NEDD4L: variants seen among roughly 807,000 people sequenced by gnomAD.
NEDD4L encodes E3 ubiquitin-protein ligase NEDD4-like.
NEDD4L carries 54 observed loss-of-function variants against 148.9 expected under a neutral mutation model. The ratio of observed to expected loss-of-function variants is 0.36; its 90% CI spans 0.29 to 0.45. The LOEUF (loss-of-function observed/expected upper bound fraction) is 0.45, where lower values mean the gene tolerates loss of function less well. NEDD4L is among the 20% of genes least tolerant of loss of function. The pLI, the probability that NEDD4L is intolerant of heterozygous loss-of-function variation, is 1.00. For synonymous variants in NEDD4L, 433 were observed against 440.7 expected (o/e 0.98, Z 0.22); for missense variants, 856 against 1,233.8 (o/e 0.69, Z 4.59).
intron 1 of NEDD4L, among the ~76,000 whole-genome samples, chr18:58,107,909 G>A (rs2085168910): frequency 6.6e-6 from 1 of 151,946 alleles, no homozygotes; most frequent in South Asian, 2.1e-4. Context: ...TAGTAAAGAT[G>A]GGGTTTTGCC....
At chr18:58,247,523 A>T (rs977548898) in intron 3 of NEDD4L, 3 of 151,980 alleles carry the variant, frequency 2.0e-5, no homozygotes, top group African/African-American at 4.8e-5. Context: ...ATTGCAATGG[A>T]TTTCCTTCCA....
chr18:58,259,162 G>T (rs1170167178), intron 5 of NEDD4L, among the ~76,000 whole-genome samples: 1 of 152,086 alleles, frequency 6.6e-6, no homozygotes, highest in Admixed American at 6.6e-5. Flanking sequence ...ACTTTTATCT[G>T]TGCCTCCCAA....
intron 1 of NEDD4L, among the ~76,000 whole-genome samples, chr18:58,128,583 T>C (rs980062795): frequency 3.9e-5 from 6 of 152,204 alleles, no homozygotes; most frequent in Non-Finnish European, 8.8e-5. Flanking sequence ...TTGGATACCC[T>C]TGTTTATGTT....
At chr18:58,270,917 T>C (rs1002689143) in intron 5 of NEDD4L, among the ~76,000 whole-genome samples, 1 of 152,048 alleles carries the variant, frequency 6.6e-6, no homozygotes, top group Non-Finnish European at 1.5e-5. Flanking sequence ...ATATGATCTG[T>C]CTTTGGTCTT....
chr18:58,100,534 C>T (rs1254891824), intron 1 of NEDD4L, among the ~76,000 whole-genome samples: 1 of 152,160 alleles, frequency 6.6e-6, no homozygotes, highest in African/African-American at 2.4e-5. Flanking sequence ...TTAAAATACC[C>T]TTTGGGGACC....
chr18:58,106,418 G>A (rs2085073058), intron 1 of NEDD4L, among the ~76,000 whole-genome samples: 1 of 152,188 alleles, frequency 6.6e-6, no homozygotes, highest in South Asian at 2.1e-4. Flanking sequence ...CAGCTCCTGG[G>A]GAGCTTACAG....
chr18:58,098,912 T>C (rs1023289781), intron 1 of NEDD4L, among the ~76,000 whole-genome samples: 3 of 152,202 alleles, frequency 2.0e-5, no homozygotes, highest in African/African-American at 7.2e-5. Flanking sequence ...TCACAGGGTT[T>C]CGTCAGTAAA....
intron 5 of NEDD4L, among the ~76,000 whole-genome samples, chr18:58,272,303 A>G (rs2148828571): frequency 6.6e-6 from 1 of 152,298 alleles, no homozygotes; most frequent in East Asian, 1.9e-4. Flanking sequence ...TGATTAAGTA[A>G]TAGCTGTTCA....
intron 13 of NEDD4L, among the ~76,000 whole-genome samples, chr18:58,337,477 G>A (rs1434616981): frequency 6.6e-6 from 1 of 152,028 alleles, no homozygotes; most frequent in Non-Finnish European, 1.5e-5. Flanking sequence ...TATTGTCCTG[G>A]GCTGGAGCCA....
chr18:58,335,901 A>C (rs565529205), intron 13 of NEDD4L: 37 of 237,606 alleles, frequency 1.6e-4, no homozygotes, highest in African/African-American at 8.0e-4. Flanking sequence ...CAAAGAAGCC[A>C]CAGGAATTGC....
At chr18:58,364,513 G>A (rs1195028482) in intron 20 of NEDD4L, among the ~76,000 whole-genome samples, 180 bp downstream of exon 20, 1 of 152,124 alleles carries the variant, frequency 6.6e-6, no homozygotes, top group Non-Finnish European at 1.5e-5. Context: ...TAACAGAAAT[G>A]GTAAGTGAAA....
intron 5 of NEDD4L, among the ~76,000 whole-genome samples, chr18:58,268,388 G>A (rs562734197): frequency 3.2e-4 from 49 of 152,172 alleles, no homozygotes; most frequent in African/African-American, 1.1e-3. Context: ...GGACAAGGGA[G>A]GGCCTTAGAG....
chr18:58,257,462 G>A (rs2048753639), intron 5 of NEDD4L, among the ~76,000 whole-genome samples: 1 of 152,134 alleles, frequency 6.6e-6, no homozygotes, highest in African/African-American at 2.4e-5. Flanking sequence ...AGCACATTGG[G>A]TTATGGCCCA....
At position 58,335,375 on chromosome 18, in the gene NEDD4L, C is replaced by CA. The variant is rs1181015037; in HGVS notation, c.1066-102dup. 3 of 917,782 alleles carry CA rather than the reference C, an allele frequency of 3.3e-6. No homozygotes were observed. In the South Asian group the frequency reaches 4.2e-5, roughly 13 times the overall value. 56.9% of individuals were successfully genotyped at this position (917,782 alleles called of 1,614,324 possible). On this transcript the variant is annotated intron_variant, in intron 12 of 30. Transcript: ENST00000400345. The stretch of plus-strand genomic sequence containing the variant: ...GGGTGGGTTTCAGGGATTCTGATCT[C>CA]ACGTCACCTGCCTTACAGCGCTGCC...
intron 28 of NEDD4L, chr18:58,390,257 G>A (rs894322784): frequency 2.5e-5 from 4 of 161,798 alleles, no homozygotes. Flanking sequence ...TAGGGAACGT[G>A]TCTACAATCT....
chr18:58,055,318 C>T (rs539727082), intron 1 of NEDD4L, among the ~76,000 whole-genome samples: 2 of 152,286 alleles, frequency 1.3e-5, no homozygotes, highest in African/African-American at 4.8e-5. Context: ...GAAAAACTAA[C>T]TAGGGATATA....
chr18:58,054,554 C>T (rs1310486563), intron 1 of NEDD4L, among the ~76,000 whole-genome samples: 1 of 152,134 alleles, frequency 6.6e-6, no homozygotes, highest in East Asian at 1.9e-4. Context: ...GTAATGATTG[C>T]ACCACCGCAC....
intron 2 of NEDD4L, among the ~76,000 whole-genome samples, chr18:58,198,119 C>T (rs2040941645): frequency 1.3e-5 from 2 of 152,050 alleles, no homozygotes. Flanking sequence ...TTTCTTCTGA[C>T]CTAGATATGT....
rs775171564 is a variant in NEDD4L at position 58,357,182 on chromosome 18, T to A, written c.1709-12T>A. On this transcript the variant is annotated splice_polypyrimidine_tract_variant and intron_variant, in intron 18 of 30. Coordinates refer to ENST00000400345, the MANE Select transcript of NEDD4L (RefSeq NM_001144967.3). ...TGTTCTGATTTTTTTTTTTTTTTTT[T>A]AACATTTTCAGATAGCAAAATTACT... 7.9e-6 allele frequency: 12 copies of A among 1,515,842 alleles called. No homozygotes were observed. Among genetic ancestry groups the A allele is most frequent in the East Asian group, 4.6e-5 (2 of 43,462 alleles). 93.9% of individuals were successfully genotyped at this position (1,515,842 alleles called of 1,614,324 possible). A position where few individuals can be genotyped will look rare whatever the true frequency, so the allele number is the denominator to read the frequency against.
Sources: allele counts gnomAD v4.1 joint callset (sites outside exome capture counted in the v4.1 genomes callset), GRCh38; gene constraint gnomAD v4.1.1; transcripts MANE v1.5; gene names NCBI Gene and HGNC (gene_info 2026-07-23, HGNC 2026-07-21).